CHD7: variants seen among roughly 807,000 people sequenced by gnomAD.
CHD7 encodes the protein ATP-dependent chromatin remodeler CHD7.
Under a neutral mutation model 307.3 loss-of-function variants are expected in CHD7, and 24 were observed. The ratio of observed to expected loss-of-function variants is 0.08; its 90% confidence interval spans 0.06 to 0.11. CHD7 has a LOEUF of 0.11. Among genes scored for constraint, CHD7 ranks in the 10% least tolerant of loss-of-function variants. The probability of loss-of-function intolerance (pLI) is 1.00; values close to 1 mark genes in which losing one functional copy is unlikely to be tolerated. For missense variants in CHD7, 3,106 were observed against 3,727.1 expected (o/e 0.83, Z 4.34); for synonymous variants, 1,363 against 1,349.9 (o/e 1.01, Z -0.21).
At position 60,854,510 on chromosome 8, in the gene CHD7, C is replaced by T. The variant is rs768152792; in HGVS notation, c.6923C>T (p.Ser2308Leu). 6.9e-6 allele frequency: 11 copies of T among 1,598,890 alleles called. No homozygotes were observed. The highest frequency in any genetic ancestry group is 1.7e-4 in the Middle Eastern group (1 of 6,016). ...CTTCATGAAAGAACATTTGCCTTCT[C>T]GTTTTGGCCTAAGGTTGGCAGGTTT... is the stretch of plus-strand genomic sequence containing the variant. Reference protein sequence around the residue: ...QLLHERTFAFSFWPKDRVMIN... With the variant: ...QLLHERTFAFLFWPKDRVMIN... Residue 2308 changes from serine (S) to leucine (L), a missense_variant, in exon 32 of 38, where the codon TCG becomes TTG. By Grantham distance (145) the Ser-to-Leu change is moderately radical (BLOSUM62 -2). Coordinates refer to ENST00000423902, the MANE Select transcript of CHD7 (RefSeq NM_017780.4).
intron 3 of CHD7, among the ~76,000 whole-genome samples, chr8:60,792,612 A>G (rs1219236481): frequency 3.3e-5 from 5 of 152,202 alleles, no homozygotes; most frequent in Non-Finnish European, 2.9e-5. Context: ...GAGGTTCCAT[A>G]CAGTTCATTC....
At chr8:60,711,741 A>G (rs1023113126) in intron 1 of CHD7, among the ~76,000 whole-genome samples, 6 of 152,280 alleles carry the variant, frequency 3.9e-5, no homozygotes, top group South Asian at 2.1e-4. Flanking sequence ...GTGTTATTTT[A>G]TTTTCTAGAG....
At chr8:60,731,440 A>G (rs142347137) in intron 1 of CHD7, among the ~76,000 whole-genome samples, 1 of 152,302 alleles carries the variant, frequency 6.6e-6, no homozygotes, top group Non-Finnish European at 1.5e-5. Flanking sequence ...GAAGACATGG[A>G]TAGAAATGTG....
chr8:60,728,484 G>A (rs970404347), intron 1 of CHD7, among the ~76,000 whole-genome samples: 3 of 152,160 alleles, frequency 2.0e-5, no homozygotes, highest in South Asian at 4.1e-4. Flanking sequence ...TTAAGGCACC[G>A]TGTCTGGCAT....
chr8:60,730,876 A>G (rs1808418347), intron 1 of CHD7, among the ~76,000 whole-genome samples: 1 of 152,132 alleles, frequency 6.6e-6, no homozygotes, highest in African/African-American at 2.4e-5. Flanking sequence ...AAAAAAGGAA[A>G]TATTAAATGG....
chr8:60,839,899 A>C (rs1804893667), intron 19 of CHD7, among the ~76,000 whole-genome samples: 1 of 152,216 alleles, frequency 6.6e-6, no homozygotes, highest in African/African-American at 2.4e-5. Flanking sequence ...AATGAAGCCC[A>C]GTTTACCAAA....
chr8:60,680,408 G>GCGGGGGCGGCGGCGGCGGCGGCGGC (rs1395617336), intron 1 of CHD7, among the ~76,000 whole-genome samples: 1 of 108,022 alleles, frequency 9.3e-6, no homozygotes. Flanking sequence ...CGGGGGGGGG[G>GCGGGGGCGGCGGCGGCGGCGGCGGC]GGCGGGGGCG....
chr8:60,679,979 G>C (rs919513662), intron 1 of CHD7, among the ~76,000 whole-genome samples: 34 of 151,998 alleles, frequency 2.2e-4, no homozygotes, highest in Non-Finnish European at 4.0e-4. Context: ...AAAGGGAGCG[G>C]GGCCGGGGCG....
At position 60,816,474 on chromosome 8, in the gene CHD7, G is replaced by A; in HGVS notation, c.2586G>A (p.Lys862=). 1 of 1,607,674 alleles carries A rather than the reference G, an allele frequency of 6.2e-7. No homozygotes were observed. Among genetic ancestry groups the A allele is most frequent in the Non-Finnish European group, 8.5e-7 (1 of 1,176,274 alleles). ...AAAAAATTAAACGATTTAAGGCAAA[G>A]CAGGGCCAGAACAAGTTCCTTTCAG... is the stretch of plus-strand genomic sequence containing the variant. ...IQQKIKRFKA[K]QGQNKFLSEI... The change falls in exon 8 of 38, where the codon AAG becomes AAA. Residue 862 remains lysine (K), a synonymous_variant. Transcript: ENST00000423902.
intron 3 of CHD7, 87 bp downstream of exon 3, chr8:60,781,517 G>C: frequency 1.4e-6 from 2 of 1,423,088 alleles, no homozygotes; most frequent in Non-Finnish European, 1.8e-6. Context: ...AATGAGGGGT[G>C]GGAGGGGACA....
At chr8:60,722,278 A>C (rs981262018) in intron 1 of CHD7, among the ~76,000 whole-genome samples, 3 of 152,186 alleles carry the variant, frequency 2.0e-5, no homozygotes, top group Non-Finnish European at 4.4e-5. Context: ...TGATTGAGAC[A>C]GTGGAAATTA....
intron 6 of CHD7, among the ~76,000 whole-genome samples, chr8:60,802,511 T>C (rs1812360581): frequency 6.6e-6 from 1 of 152,232 alleles, no homozygotes. Context: ...TACAAGTTCA[T>C]GTTTCAGCAT....
At chr8:60,702,661 A>G (rs990181511) in intron 1 of CHD7, among the ~76,000 whole-genome samples, 1 of 152,226 alleles carries the variant, frequency 6.6e-6, no homozygotes, top group South Asian at 2.1e-4. Context: ...AAAAGTGACA[A>G]AGAATTTGCA....
Position 60,856,985 on chromosome 8 carries a change from T to C in CHD7, c.7608+97T>C, listed in dbSNP as rs1805748424. The C allele has an allele frequency of 6.2e-6, 7 of 1,137,680 alleles. No homozygotes were observed. In the South Asian group the frequency reaches 8.7e-5, roughly 14 times the overall value. The allele number at this position is 1,137,680 out of a possible 1,614,324, so 70.5% of individuals were successfully genotyped here. A position where few individuals can be genotyped will look rare whatever the true frequency, so the allele number is the denominator to read the frequency against. ...CTGGGCTGTGTTTCTCTCAGCAGCA[T>C]TGTATGAAAGCCAGCTTCCTCCACT... On this transcript the variant is annotated intron_variant, in intron 34 of 37. Coordinates refer to ENST00000423902, the MANE Select transcript of CHD7 (RefSeq NM_017780.4).
chr8:60,722,775 C>G (rs546526369), intron 1 of CHD7, among the ~76,000 whole-genome samples: 59 of 152,272 alleles, frequency 3.9e-4, no homozygotes, highest in African/African-American at 1.3e-3. Flanking sequence ...CAGTCTGTTA[C>G]AATATGTTAT....
chr8:60,706,223 T>G (rs1807015867), intron 1 of CHD7, among the ~76,000 whole-genome samples: 1 of 152,208 alleles, frequency 6.6e-6, no homozygotes, highest in Non-Finnish European at 1.5e-5. Context: ...CATATTTTTT[T>G]TGTGTGAAAT....
chr8:60,848,036 G>A (rs1480198990), intron 23 of CHD7, among the ~76,000 whole-genome samples: 1 of 152,016 alleles, frequency 6.6e-6, no homozygotes, highest in Non-Finnish European at 1.5e-5. Context: ...TTTATTGTAA[G>A]GTAGTAAAAC....
At chr8:60,820,143 G>A (rs1328589247) in intron 9 of CHD7, 53 bp downstream of exon 9, 43 of 1,174,998 alleles carry the variant, frequency 3.7e-5, no homozygotes, top group Non-Finnish European at 5.3e-5. Context: ...ACCCATACAT[G>A]TTTATAGAGA....
chr8:60,845,128 CTG>C (rs1805149432), intron 22 of CHD7, 65 bp downstream of exon 22: 25 of 1,590,310 alleles, frequency 1.6e-5, no homozygotes, highest in Non-Finnish European at 2.1e-5. Context: ...TTGTGACACA[CTG>C]TTGATAAAGA....
Sources: allele counts gnomAD v4.1 joint callset (sites outside exome capture counted in the v4.1 genomes callset), GRCh38; gene constraint gnomAD v4.1.1; transcripts MANE v1.5; gene names NCBI Gene and HGNC (gene_info 2026-07-23, HGNC 2026-07-21).